Variants in RNF125 observed in about 807,000 individuals in gnomAD.
RNF125 encodes ring finger protein 125.
A neutral mutation model predicts 26.0 loss-of-function variants in RNF125; 21 were observed. The observed-to-expected ratio is 0.81, with a 90% CI of 0.57 to 1.16. The LOEUF (loss-of-function observed/expected upper bound fraction) is 1.16. Among genes scored for constraint, RNF125 ranks in the 50% most tolerant of loss-of-function variants. The pLI is 0.00. For missense variants in RNF125, 270 were observed against 299.4 expected (o/e 0.90, Z 0.72); for synonymous variants, 95 against 109.2 (o/e 0.87, Z 0.81).
At chr18:32,048,976 A>G (rs1041885263) in intron 4 of RNF125, among the ~76,000 whole-genome samples, 4 of 152,236 alleles carry the variant, frequency 2.6e-5, no homozygotes, top group African/African-American at 9.6e-5. Context: ...AACCCTGACC[A>G]TTAGTACCCA....
At chr18:32,084,226 A>G in the RNF125 span, among the ~76,000 whole-genome samples, 1 of 152,104 alleles carries the variant, frequency 6.6e-6, no homozygotes, top group African/African-American at 2.4e-5. Flanking sequence ...TTGGTGGCGC[A>G]TGCCTGTAAT....
chr18:32,046,813 A>G (rs1362244894), intron 4 of RNF125, among the ~76,000 whole-genome samples: 1 of 151,888 alleles, frequency 6.6e-6, no homozygotes, highest in Non-Finnish European at 1.5e-5. Context: ...TTCTTTGTAG[A>G]GTGGCTTTTA....
At chr18:32,078,247 C>G in the RNF125 span, among the ~76,000 whole-genome samples, 1 of 152,066 alleles carries the variant, frequency 6.6e-6, no homozygotes, top group East Asian at 1.9e-4. Context: ...ACCTCTTGGC[C>G]CAGTAATTCT....
chr18:32,019,122 C>T, intron 1 of RNF125, 95 bp downstream of exon 1: 1 of 1,459,238 alleles, frequency 6.9e-7, no homozygotes, highest in Non-Finnish European at 9.4e-7. Flanking sequence ...GGACGGAAGA[C>T]AGCCTCTTAG....
At chr18:32,077,993 T>C (rs2039581501), downstream of RNF125, among the ~76,000 whole-genome samples, 1 of 152,008 alleles carries the variant, frequency 6.6e-6, no homozygotes, top group South Asian at 2.1e-4. Flanking sequence ...TCTCACTATG[T>C]TGCCTAAGCT....
chr18:32,028,051 C>G lies in RNF125; in HGVS notation c.164+9024C>G, dbSNP rs1026585024. Among the ~76,000 whole-genome samples, 19 of 152,086 alleles carry G rather than the reference C, an allele frequency of 1.2e-4. No individual in the cohort carries two copies. In the South Asian group the frequency reaches 3.3e-3, roughly 27 times the overall value. On this transcript the variant is annotated intron_variant, in intron 1 of 5. Transcript: ENST00000217740. ...CGGTGGCTCACACCTGTAATCCCAG[C>G]ACTTTGGGAGGCTGAGGCGGGCGGA...
chr18:32,028,491 G>T lies in RNF125; in HGVS notation c.165-8625G>T, dbSNP rs540924952. On this transcript the variant is annotated intron_variant, in intron 1 of 5. Coordinates refer to ENST00000217740, the MANE Select transcript of RNF125 (RefSeq NM_017831.4). ...TAGACTTTTCTCTCCCCCACAACAT[G>T]CAGCTTTTCAGGGTTTTTCCTTTCT... Among the ~76,000 whole-genome samples, 8 of 151,702 alleles carry T rather than the reference G, an allele frequency of 5.3e-5. No individual in the cohort carries two copies. The East Asian group carries it at 9.7e-4, about 18-fold the overall frequency.
intron 1 of RNF125, among the ~76,000 whole-genome samples, chr18:32,028,953 A>G (rs1467699866): frequency 6.6e-6 from 1 of 152,166 alleles, no homozygotes; most frequent in East Asian, 1.9e-4. Context: ...TTAAAATGTA[A>G]AAGTATCCCA....
At chr18:32,051,694 C>A (rs1399368598) in intron 4 of RNF125, among the ~76,000 whole-genome samples, 1 of 118,032 alleles carries the variant, frequency 8.5e-6, no homozygotes, top group Non-Finnish European at 1.6e-5. Flanking sequence ...TATTTTCTTT[C>A]TTTTTTTTTT....
rs189944592 is a variant in RNF125, at chr18:32,020,603, T to A, written c.164+1576T>A. On this transcript the variant is annotated intron_variant, in intron 1 of 5. Coordinates refer to ENST00000217740, the MANE Select transcript of RNF125 (RefSeq NM_017831.4). ...TTAGGTAGTCCTTAAAAACATGTTGTGCACTTGCAGTCAAAAGTTTTGACG... is the reference window on the plus strand; with the variant it reads ...TTAGGTAGTCCTTAAAAACATGTTGAGCACTTGCAGTCAAAAGTTTTGACG... Among the ~76,000 whole-genome samples the A allele has an allele frequency of 3.3e-3, 500 of 151,546 alleles. 3 individuals carry two copies. Among genetic ancestry groups the A allele is most frequent in the African/African-American group, 0.011 (477 of 41,504 alleles).
Position 32,068,613 on chromosome 18 carries a change from C to A in RNF125, c.*229C>A. 2.4e-6 allele frequency: 1 copy of A among 416,372 alleles called. No homozygotes were observed. The allele number at this position is 416,372 out of a possible 1,614,324, so 25.8% of individuals were successfully genotyped here. A position where few individuals can be genotyped will look rare whatever the true frequency, so the allele number is the denominator to read the frequency against. On this transcript the variant is annotated 3_prime_UTR_variant, in exon 6 of 6. Transcript: ENST00000217740. ...CACATCTAACAACAAAAAAAATTAT[C>A]TACATCAGTCATTGTTACATGGAAA... is the stretch of plus-strand genomic sequence containing the variant.
intron 1 of RNF125, among the ~76,000 whole-genome samples, chr18:32,029,334 A>G (rs2039069667): frequency 1.3e-5 from 2 of 152,020 alleles, no homozygotes; most frequent in African/African-American, 4.8e-5. Flanking sequence ...GGAACTTAAA[A>G]GGAGTCTGGA....
intron 4 of RNF125, among the ~76,000 whole-genome samples, chr18:32,056,337 C>T (rs907075188): frequency 2.6e-5 from 4 of 151,716 alleles, no homozygotes; most frequent in Non-Finnish European, 5.9e-5. Context: ...ACTGGCCTGG[C>T]GTGGTGGCTC....
rs2039531779 is a variant in RNF125, at chr18:32,071,289, C to G, written c.*2905C>G. 1 of 152,222 alleles carries G rather than the reference C, an allele frequency of 6.6e-6. No individual in the cohort carries two copies. Among genetic ancestry groups the G allele is most frequent in the African/African-American group, 2.4e-5 (1 of 41,424 alleles). 9.4% of individuals were successfully genotyped at this position (152,222 alleles called of 1,614,324 possible). A position where few individuals can be genotyped will look rare whatever the true frequency, so the allele number is the denominator to read the frequency against. On this transcript the variant is annotated 3_prime_UTR_variant, in exon 6 of 6. Coordinates refer to ENST00000217740, the MANE Select transcript of RNF125 (RefSeq NM_017831.4). Reference sequence around the variant, plus strand: ...AGCTGGGATTACAAGTGGGCACCACCACACCCGGCTAATTGTTGTATTTTT... The same window carrying G: ...AGCTGGGATTACAAGTGGGCACCACGACACCCGGCTAATTGTTGTATTTTT...
At chr18:32,075,832 G>A, downstream of RNF125, 1 of 692,466 alleles carries the variant, frequency 1.4e-6, no homozygotes, top group East Asian at 2.8e-5. Context: ...TGTTGTTGTT[G>A]TTTGTGTGTG....
chr18:32,064,404 T>TTTTC (rs1568208872), intron 4 of RNF125, among the ~76,000 whole-genome samples: 1 of 123,828 alleles, frequency 8.1e-6, no homozygotes, highest in Non-Finnish European at 1.8e-5. Context: ...TTCTTTTTTT[T>TTTTC]TTTTTTTTTT....
chr18:32,037,025 C>T (rs1298073649), intron 1 of RNF125, 91 bp from the exon 2 acceptor site: 9 of 1,177,522 alleles, frequency 7.6e-6, no homozygotes, highest in South Asian at 7.2e-5. Context: ...TACGAGGTGT[C>T]ATTAAATTAC....
chr18:32,065,375 T>A (rs1186246057), intron 4 of RNF125, among the ~76,000 whole-genome samples: 1 of 152,050 alleles, frequency 6.6e-6, no homozygotes, highest in Non-Finnish European at 1.5e-5. Context: ...GTGGCTGGCA[T>A]TACAGGCATC....
intron 4 of RNF125, among the ~76,000 whole-genome samples, chr18:32,057,948 A>G (rs2039400912): frequency 6.6e-6 from 1 of 152,010 alleles, no homozygotes; most frequent in African/African-American, 2.4e-5. Flanking sequence ...TGAGGACCCC[A>G]CGCTGAGAAC....
Sources: gnomAD v4.1 joint callset for allele counts (sites outside exome capture counted in the v4.1 genomes callset) on GRCh38, gnomAD v4.1.1 for gene constraint, MANE v1.5 for transcripts, NCBI Gene and HGNC (gene_info 2026-07-23, HGNC 2026-07-21) for gene names.